PRPF39: variants seen among roughly 807,000 people sequenced by gnomAD.
PRPF39 encodes pre-mRNA-processing factor 39.
In PRPF39, 27 loss-of-function variants were observed where a neutral mutation model predicts 82.1. The observed-to-expected ratio is 0.33, with a 90% CI of 0.24 to 0.45. PRPF39 has a LOEUF of 0.45. Among genes scored for constraint, PRPF39 ranks in the 20% least tolerant of loss-of-function variants. The pLI, the probability that PRPF39 is intolerant of heterozygous loss-of-function variation, is 1.00. For missense variants in PRPF39, 581 were observed against 796.9 expected, an observed-to-expected ratio of 0.73 and a Z score of 3.26; for synonymous variants, 261 against 256.4, an observed-to-expected ratio of 1.02 and a Z score of -0.17.
At chr14:45,101,659 T>C (rs543520367) in intron 4 of PRPF39, among the ~76,000 whole-genome samples, 1 of 152,064 alleles carries the variant, frequency 6.6e-6, no homozygotes, top group Non-Finnish European at 1.5e-5. Flanking sequence ...AGAGATGGGG[T>C]TTCGCCGTGT....
rs1007113026 is a variant in PRPF39, at chr14:45,110,506, G to T, written c.1304-43G>T. ...AGTATCTGGTTATAAACGTTATTTT[G>T]GTTGTTTAAACCAAAGCATAAACAT... On this transcript the variant is annotated intron_variant, in intron 9 of 13. Coordinates refer to ENST00000355765, the MANE Select transcript of PRPF39 (RefSeq NM_017922.4). This position sits in a 1 kb window ranked among gnomAD's most constrained non-coding sequence, Gnocchi z 4.0. The T allele has an allele frequency of 4.0e-6, 6 of 1,512,012 alleles. No individual in the cohort carries two copies. The African/African-American group carries it at 7.0e-5, about 18-fold the overall frequency. 93.7% of individuals were successfully genotyped at this position (1,512,012 alleles called of 1,614,324 possible).
intron 5 of PRPF39, among the ~76,000 whole-genome samples, chr14:45,105,481 T>C (rs1884498921): frequency 6.6e-6 from 1 of 152,004 alleles, no homozygotes; most frequent in Admixed American, 6.6e-5. Flanking sequence ...TCTGTATCCA[T>C]TGACTTTGCA....
chr14:45,114,014 G>A (rs1391024489), intron 11 of PRPF39, among the ~76,000 whole-genome samples, 169 bp from the exon 12 acceptor site: 1 of 152,164 alleles, frequency 6.6e-6, no homozygotes, highest in Non-Finnish European at 1.5e-5. Context: ...TAAGTATAGG[G>A]AATGGAGTGT....
chr14:45,109,971 A>T, intron 8 of PRPF39, 123 bp from the exon 9 acceptor site: 1 of 1,557,864 alleles, frequency 6.4e-7, no homozygotes, highest in East Asian at 2.3e-5. Flanking sequence ...CCTTACAGAA[A>T]CTAGTCTAGT....
Position 45,095,454 on chromosome 14 carries a change from A to T in PRPF39, c.215A>T (p.Glu72Val), listed in dbSNP as rs1480750171. The change falls in exon 2 of 14, where the codon GAA (glutamate) becomes GTA (valine). Residue 72 changes from glutamate (E) to valine (V), a missense_variant. By Grantham distance (121) the Glu-to-Val change is moderately radical (BLOSUM62 -2). Coordinates refer to ENST00000355765, the MANE Select transcript of PRPF39 (RefSeq NM_017922.4). ...SAVDLPVTLTETEANFPPEYE... is the reference protein window; with the variant it reads ...SAVDLPVTLTVTEANFPPEYE... Reference sequence around the variant, plus strand: ...GTGGACCTTCCAGTGACGCTGACAGAAACAGAAGCAAATTTCCCTCCAGAA... The same window carrying T: ...GTGGACCTTCCAGTGACGCTGACAGTAACAGAAGCAAATTTCCCTCCAGAA... 1.9e-6 allele frequency: 3 copies of T among 1,613,936 alleles called. No homozygotes were observed.
chr14:45,107,680 G>C, intron 6 of PRPF39, 64 bp downstream of exon 6: 2 of 1,475,544 alleles, frequency 1.4e-6, no homozygotes, highest in Admixed American at 2.2e-5. Context: ...TGTAATCGCA[G>C]CACTTTGGGA....
In PRPF39 at chr14:45,096,689, C is replaced by T. The variant is rs930236666; in HGVS notation, c.451-198C>T. On this transcript the variant is annotated intron_variant, in intron 3 of 13. Transcript: ENST00000355765. ...CGGTCAGAATGCAGGGACTGCTGCG[C>T]TTTGAAGATCAAGACTCTGCACGTG... The T allele has an allele frequency of 2.6e-6, 4 of 1,517,800 alleles. No individual in the cohort carries two copies. In the African/African-American group the frequency reaches 5.5e-5, roughly 21 times the overall value. The allele number at this position is 1,517,800 out of a possible 1,614,324, so 94.0% of individuals were successfully genotyped here. A position where few individuals can be genotyped will look rare whatever the true frequency, so the allele number is the denominator to read the frequency against.
In PRPF39 at chr14:45,116,099, CCTTTA is replaced by C. The variant is rs1884827423; in HGVS notation, c.*1188_*1192del. On this transcript the variant is annotated 3_prime_UTR_variant, in exon 14 of 14. Transcript: ENST00000355765. ...TCCTTGAATTTTCCAGTTGACTCTT[CCTTTA>C]CAATAGTAACAAGTTCTAACTAGTT... The C allele has an allele frequency of 1.2e-6, 1 of 836,538 alleles. No homozygotes were observed. Among genetic ancestry groups the C allele is most frequent in the Non-Finnish European group, 2.0e-6 (1 of 508,860 alleles). 51.8% of individuals were successfully genotyped at this position (836,538 alleles called of 1,614,324 possible).
chr14:45,104,778 G>A (rs1302213046), intron 5 of PRPF39, among the ~76,000 whole-genome samples: 1 of 152,120 alleles, frequency 6.6e-6, no homozygotes, highest in East Asian at 1.9e-4. Context: ...ATCCCTGGTG[G>A]TTCCTGAGCT....
At chr14:45,104,271 T>C (rs1884459291) in intron 5 of PRPF39, among the ~76,000 whole-genome samples, 1 of 152,220 alleles carries the variant, frequency 6.6e-6, no homozygotes, top group South Asian at 2.1e-4. Context: ...TGGGATTATA[T>C]TACACATACT....
intron 1 of PRPF39, among the ~76,000 whole-genome samples, chr14:45,087,014 A>G (rs1365893381): frequency 6.6e-6 from 1 of 152,170 alleles, no homozygotes; most frequent in Non-Finnish European, 1.5e-5. Context: ...AACTGGTTTG[A>G]AGCAATCTGC....
chr14:45,097,706 C>T (rs1038598609), intron 4 of PRPF39, among the ~76,000 whole-genome samples: 34 of 152,222 alleles, frequency 2.2e-4, no homozygotes, highest in African/African-American at 7.7e-4. Flanking sequence ...TTCTCATATG[C>T]TTATATAAGC....
At chr14:45,113,217 T>TA (rs1391954606) in intron 11 of PRPF39, among the ~76,000 whole-genome samples, 3 of 152,236 alleles carry the variant, frequency 2.0e-5, no homozygotes, top group African/African-American at 7.2e-5. Flanking sequence ...TGTGTGTATA[T>TA]ATTTTTGATG....
At position 45,116,147 on chromosome 14, in the gene PRPF39, G is replaced by A. The variant is rs1884828823; in HGVS notation, c.*1234G>A. 1 of 1,344,852 alleles carries A rather than the reference G, an allele frequency of 7.4e-7. No individual in the cohort carries two copies. Among genetic ancestry groups the A allele is most frequent in the East Asian group, 2.3e-5 (1 of 43,246 alleles). 83.3% of individuals were successfully genotyped at this position (1,344,852 alleles called of 1,614,324 possible). ...AACTAGTTGTGTAAATTTCTTCAAG[G>A]CCAAGTTTTATCATTGTTGCTAATA... is the stretch of plus-strand genomic sequence containing the variant. On this transcript the variant is annotated 3_prime_UTR_variant, in exon 14 of 14. Transcript: ENST00000355765.
rs1594726559 is a variant in PRPF39 at position 45,095,310 on chromosome 14, T to C, written c.71T>C (p.Val24Ala). 6.2e-7 allele frequency: 1 copy of C among 1,613,232 alleles called. No homozygotes were observed. Among genetic ancestry groups the C allele is most frequent in the African/African-American group, 1.3e-5 (1 of 75,036 alleles). Residue 24 changes from valine (V) to alanine (A), a missense_variant, in exon 2 of 14, where the codon GTG becomes GCG. Coordinates refer to ENST00000355765, the MANE Select transcript of PRPF39 (RefSeq NM_017922.4). ...AGCACAGGCAACAGTTCAGAGGTAG[T>C]GGTAGAACATCCTACTGATTTCAGT... The part of the protein sequence containing the change: ...NGSTGNSSEV[V>A]VEHPTDFSTE...
At position 45,096,128 on chromosome 14, in the gene PRPF39, C is replaced by A; in HGVS notation, c.350C>A (p.Ala117Glu). 6.3e-7 allele frequency: 1 copy of A among 1,578,300 alleles called. No homozygotes were observed. Among genetic ancestry groups the A allele is most frequent in the Non-Finnish European group, 8.6e-7 (1 of 1,160,836 alleles). The change falls in exon 3 of 14, where the codon GCA (alanine) becomes GAA (glutamate). Residue 117 changes from alanine to glutamate, a missense_variant. Physicochemically the swap from Ala to Glu is moderately radical, Grantham distance 107. Transcript: ENST00000355765. Reference sequence around the variant, plus strand: ...AATCACTTGATGGCTGCCAGGAAGGCATTTGACAGATTTTTCATACACTAT... The same window carrying A: ...AATCACTTGATGGCTGCCAGGAAGGAATTTGACAGATTTTTCATACACTAT... ...QENHLMAARK[A>E]FDRFFIHYPY...
chr14:45,102,103 G>A (rs1317395751), intron 4 of PRPF39, among the ~76,000 whole-genome samples: 1 of 152,054 alleles, frequency 6.6e-6, no homozygotes, highest in Admixed American at 6.5e-5. Flanking sequence ...CTGTAATCAC[G>A]CCTGTAACCA....
rs748268809 is a variant in PRPF39 at position 45,107,491 on chromosome 14, T to C, written c.778T>C (p.Leu260=). Residue 260 remains leucine, a synonymous_variant, in exon 6 of 14, where the codon TTA becomes CTA. Coordinates refer to ENST00000355765, the MANE Select transcript of PRPF39 (RefSeq NM_017922.4). ...ACAGAATAATTTGCCTAGAGATCTTTTAACTGGTGAACAGTTTATTCAGTT... is the reference window on the plus strand; with the variant it reads ...ACAGAATAATTTGCCTAGAGATCTTCTAACTGGTGAACAGTTTATTCAGTT... The part of the protein sequence containing the change: ...HVQNNLPRDL[L]TGEQFIQLRR... 1.9e-6 allele frequency: 3 copies of C among 1,565,394 alleles called. No individual in the cohort carries two copies. The Admixed American group carries it at 5.6e-5, about 29-fold the overall frequency.
intron 5 of PRPF39, among the ~76,000 whole-genome samples, chr14:45,105,655 T>C (rs1449763784): frequency 6.6e-6 from 1 of 151,186 alleles, no homozygotes; most frequent in Non-Finnish European, 1.5e-5. Flanking sequence ...GCCTCCCGAG[T>C]AGCTGGGATT....
Sources: gnomAD v4.1 joint callset for allele counts (sites outside exome capture counted in the v4.1 genomes callset) on GRCh38, gnomAD v4.1.1 for gene constraint, Gnocchi (gnomAD v3.1) non-coding constraint, MANE v1.5 for transcripts, NCBI Gene and HGNC (gene_info 2026-07-23, HGNC 2026-07-21) for gene names.